SNX6: variants seen among roughly 807,000 people sequenced by gnomAD.
The protein encoded by SNX6 is sorting nexin-6.
Under a neutral mutation model 63.0 loss-of-function variants are expected in SNX6, and 34 were observed. The ratio of observed to expected loss-of-function variants is 0.54; its 90% CI spans 0.41 to 0.72. The LOEUF is 0.72. SNX6 is among the 30% of genes least tolerant of loss of function. The pLI, the probability that SNX6 is intolerant of heterozygous loss-of-function variation, is 0.00. For synonymous variants in SNX6, 170 were observed against 164.2 expected (o/e 1.04, Z -0.27); for missense variants, 398 against 471.4 (o/e 0.84, Z 1.44).
chr14:34,572,128 T>G (rs1309884340), intron 11 of SNX6, among the ~76,000 whole-genome samples: 2 of 152,190 alleles, frequency 1.3e-5, no homozygotes, highest in Non-Finnish European at 2.9e-5. Context: ...TGGTTTAAGT[T>G]GGTATGTATC....
chr14:34,586,961 A>G (rs11156849), intron 8 of SNX6, among the ~76,000 whole-genome samples: 52,407 of 140,758 alleles, frequency 0.37, 11,317 homozygotes, highest in East Asian at 0.73. Flanking sequence ...GTGAGCCGAG[A>G]TCACACCACT....
intron 9 of SNX6, among the ~76,000 whole-genome samples, 169 bp downstream of exon 9, chr14:34,586,061 C>A (rs1041350594): frequency 1.1e-4 from 17 of 152,072 alleles, no homozygotes; most frequent in Middle Eastern, 3.4e-3. Flanking sequence ...TGTCACCCCG[C>A]CTGGCTAATT....
chr14:34,604,070 AC>A (rs953067384), intron 5 of SNX6: 58 of 1,116,082 alleles, frequency 5.2e-5, no homozygotes, highest in South Asian at 1.7e-4. Flanking sequence ...AAAAAAAAAA[AC>A]ATTCAAGGAA....
chr14:34,575,839 T>C lies in SNX6; in HGVS notation c.838A>G (p.Ile280Val), dbSNP rs1881673491. The C allele has an allele frequency of 6.4e-7, 1 of 1,572,480 alleles. No homozygotes were observed. Residue 280 changes from isoleucine (I) to valine (V), a missense_variant, in exon 11 of 14, where the codon ATA becomes GTA. By Grantham distance (29) the Ile-to-Val change is conservative (BLOSUM62 3). Transcript: ENST00000362031. ...TCATCAGCAGACACTCGTGCTTCTA[T>C]TTTCTGAAAAGAAGGAAAAAATTGA... is the stretch of plus-strand genomic sequence containing the variant. ...VSELFDKTRKIEARVSADEDL... is the reference protein window; with the variant it reads ...VSELFDKTRKVEARVSADEDL...
intron 8 of SNX6, among the ~76,000 whole-genome samples, chr14:34,587,791 T>C (rs1190782293): frequency 2.1e-5 from 3 of 140,832 alleles, no homozygotes; most frequent in Admixed American, 1.5e-4. Context: ...GCCACCACGG[T>C]TGGCTAATTT....
intron 2 of SNX6, among the ~76,000 whole-genome samples, chr14:34,611,341 T>C (rs2138362005): frequency 6.6e-6 from 1 of 152,106 alleles, no homozygotes; most frequent in African/African-American, 2.4e-5. Context: ...GCCGGGCACA[T>C]GTTGTACACC....
chr14:34,620,579 G>C (rs1421911029), intron 2 of SNX6, among the ~76,000 whole-genome samples: 1 of 152,022 alleles, frequency 6.6e-6, no homozygotes, highest in South Asian at 2.1e-4. Context: ...TTCTGCCTTG[G>C]TATCATTCTG....
intron 10 of SNX6, among the ~76,000 whole-genome samples, chr14:34,577,378 T>C (rs548990602): frequency 6.6e-6 from 1 of 152,230 alleles, no homozygotes; most frequent in Admixed American, 6.6e-5. Flanking sequence ...TGTGAGCCGC[T>C]GTGCCCAGCC....
intron 11 of SNX6, among the ~76,000 whole-genome samples, chr14:34,573,633 T>A (rs1423535813): frequency 1.3e-5 from 2 of 151,936 alleles, no homozygotes; most frequent in African/African-American, 4.8e-5. Context: ...CTTTTTTTTT[T>A]TAATTAATTA....
intron 11 of SNX6, among the ~76,000 whole-genome samples, chr14:34,568,292 G>A (rs1453004183): frequency 4.7e-5 from 7 of 150,394 alleles, no homozygotes; most frequent in Non-Finnish European, 7.4e-5. Flanking sequence ...GTGCAGTGGC[G>A]CGATCTCAGC....
intron 6 of SNX6, among the ~76,000 whole-genome samples, chr14:34,602,520 G>A (rs1475610561): frequency 1.3e-5 from 2 of 150,932 alleles, no homozygotes; most frequent in Non-Finnish European, 2.9e-5. Flanking sequence ...GAACTTGGGA[G>A]GAGGAGGTCA....
intron 10 of SNX6, 53 bp from the exon 11 acceptor site, chr14:34,575,895 A>AGTG: frequency 9.7e-7 from 1 of 1,026,820 alleles, no homozygotes; most frequent in South Asian, 1.4e-5. Context: ...TTCTCCTCTC[A>AGTG]GTGGTTTCCT....
rs903333844 is a variant in SNX6 at position 34,593,249 on chromosome 14, T to C, written c.613-99A>G. 9.0e-5 allele frequency: 62 copies of C among 688,878 alleles called. No homozygotes were observed. In the East Asian group the frequency reaches 1.6e-3, roughly 18 times the overall value. 42.7% of individuals were successfully genotyped at this position (688,878 alleles called of 1,614,324 possible). A position where few individuals can be genotyped will look rare whatever the true frequency, so the allele number is the denominator to read the frequency against. ...TAAATATAAAAGATCATCAGTAAAATAGCATACCTATCCTCAGTCAGATGT... is the reference window on the plus strand; with the variant it reads ...TAAATATAAAAGATCATCAGTAAAACAGCATACCTATCCTCAGTCAGATGT... On this transcript the variant is annotated intron_variant, in intron 7 of 13. Coordinates refer to ENST00000362031, the MANE Select transcript of SNX6 (RefSeq NM_152233.4).
chr14:34,608,785 T>C (rs1883114674), intron 3 of SNX6, among the ~76,000 whole-genome samples: 1 of 152,136 alleles, frequency 6.6e-6, no homozygotes, highest in African/African-American at 2.4e-5. Context: ...CCTAGCACTT[T>C]GGAAGGCCGA....
chr14:34,596,452 C>G (rs1882601764), intron 7 of SNX6, among the ~76,000 whole-genome samples: 1 of 150,852 alleles, frequency 6.6e-6, no homozygotes, highest in Admixed American at 6.6e-5. Context: ...AACCCCGTTT[C>G]TACTAAAAAT....
intron 11 of SNX6, chr14:34,569,036 C>T (rs544479660): frequency 1.3e-5 from 19 of 1,432,488 alleles, no homozygotes; most frequent in African/African-American, 1.3e-4. Flanking sequence ...TCCACCCATT[C>T]GGGGACTTTC....
At chr14:34,592,973 T>C in intron 8 of SNX6, 72 bp downstream of exon 8, 1 of 1,132,818 alleles carries the variant, frequency 8.8e-7, no homozygotes, top group Non-Finnish European at 1.3e-6. Context: ...ATTAAGACTT[T>C]TTCAAACTAT....
chr14:34,629,722 G>C, intron 2 of SNX6, 185 bp downstream of exon 2: 1 of 1,001,678 alleles, frequency 1.0e-6, no homozygotes, highest in South Asian at 1.5e-5. Context: ...GGGAATCGGA[G>C]CCGAGCGGCC....
intron 13 of SNX6, among the ~76,000 whole-genome samples, chr14:34,564,438 TG>T (rs913098398): frequency 6.6e-6 from 1 of 152,132 alleles, no homozygotes; most frequent in Non-Finnish European, 1.5e-5. Context: ...AAATGTCCTC[TG>T]GGGGGCAGAA....
Sources: allele counts gnomAD v4.1 joint callset (sites outside exome capture counted in the v4.1 genomes callset), GRCh38; gene constraint gnomAD v4.1.1; transcripts MANE v1.5; gene names NCBI Gene and HGNC (gene_info 2026-07-23, HGNC 2026-07-21).